PPP2R5C: variants seen among roughly 807,000 people sequenced by gnomAD.
The protein encoded by PPP2R5C is serine/threonine-protein phosphatase 2A 56 kDa regulatory subunit gamma isoform.
PPP2R5C carries 7 observed loss-of-function variants against 68.9 expected under a neutral mutation model. That is an observed-to-expected ratio of 0.10 (90% CI 0.06 to 0.19). The LOEUF is 0.19. Ranked by LOEUF, PPP2R5C falls within the 10% of genes least tolerant of loss-of-function variation. PPP2R5C has a pLI of 1.00. For synonymous variants in PPP2R5C, 210 were observed against 222.2 expected (o/e 0.95, Z 0.49); for missense variants, 348 against 641.3 (o/e 0.54, Z 4.94).
chr14:101,878,188 C>T (rs985255158), intron 2 of PPP2R5C, among the ~76,000 whole-genome samples: 4 of 152,240 alleles, frequency 2.6e-5, no homozygotes, highest in African/African-American at 9.6e-5. Flanking sequence ...CAAGGCCCCA[C>T]TTATGACTTC....
At chr14:101,795,245 C>G (rs750971165) in intron 3 of PPP2R5C, among the ~76,000 whole-genome samples, 30 of 152,166 alleles carry the variant, frequency 2.0e-4, no homozygotes, top group Non-Finnish European at 3.5e-4. Flanking sequence ...TTCAAAAACC[C>G]TTAATAGATA....
Position 101,917,738 on chromosome 14 carries a change from G to A in PPP2R5C, c.1327-93G>A. On this transcript the variant is annotated intron_variant, in intron 12 of 13. Transcript: ENST00000334743. This position sits in a 1 kb window ranked among gnomAD's most constrained non-coding sequence, Gnocchi z 4.4. ...CTTCCTGCGGGAGAGGGCCCTGGGG[G>A]GCGGCAGGGGAGATGAGTCCCTAGC... 1.9e-6 allele frequency: 3 copies of A among 1,548,792 alleles called. No homozygotes were observed. Among genetic ancestry groups the A allele is most frequent in the South Asian group, 2.3e-5 (2 of 85,266 alleles).
chr14:101,926,412 C>G (rs1405573140), exon 14 of PPP2R5C: 2 of 152,664 alleles, frequency 1.3e-5, no homozygotes, highest in Non-Finnish European at 2.9e-5. Flanking sequence ...GAGTTTTCAT[C>G]GGTCTTCACA....
Position 101,835,969 on chromosome 14 carries a change from A to C in PPP2R5C, c.95-20717A>C, listed in dbSNP as rs1008007171. Among the ~76,000 whole-genome samples the C allele has an allele frequency of 1.3e-5, 2 of 152,252 alleles. No individual in the cohort carries two copies. Among genetic ancestry groups the C allele is most frequent in the Non-Finnish European group, 2.9e-5 (2 of 68,036 alleles). The stretch of plus-strand genomic sequence containing the variant: ...AAAGTTACAGTAATATATTACCAGC[A>C]TGTAGAAAATACCCAATAATGATGA... On this transcript the variant is annotated intron_variant, in intron 1 of 13. Transcript: ENST00000334743. This position sits in a 1 kb window ranked among gnomAD's most constrained non-coding sequence, Gnocchi z 5.0.
intron 2 of PPP2R5C, among the ~76,000 whole-genome samples, chr14:101,775,892 C>T (rs995831022): frequency 5.9e-5 from 9 of 152,130 alleles, no homozygotes; most frequent in African/African-American, 2.2e-4. Context: ...CAGCAAGACA[C>T]ATCCTCCCCC....
At chr14:101,861,654 G>T (rs1043858072) in intron 2 of PPP2R5C, among the ~76,000 whole-genome samples, 1 of 152,202 alleles carries the variant, frequency 6.6e-6, no homozygotes, top group Non-Finnish European at 1.5e-5. Flanking sequence ...GATGAAATGT[G>T]AAGGTTTCAT....
At chr14:101,802,289 G>C (rs1277157494) in intron 3 of PPP2R5C, among the ~76,000 whole-genome samples, 1 of 152,142 alleles carries the variant, frequency 6.6e-6, no homozygotes, top group Non-Finnish European at 1.5e-5. Flanking sequence ...GCACACACCT[G>C]TAGTACCAGC....
chr14:101,849,887 A>G (rs1681133461), intron 1 of PPP2R5C, among the ~76,000 whole-genome samples: 1 of 152,172 alleles, frequency 6.6e-6, no homozygotes, highest in South Asian at 2.1e-4. Flanking sequence ...TCATTCATGA[A>G]GCTTTACAGG....
At chr14:101,883,334 G>T in exon 4 of PPP2R5C, 1 of 1,602,632 alleles carries the variant, frequency 6.2e-7, no homozygotes, top group Non-Finnish European at 8.5e-7. Flanking sequence ...ATATTGATCA[G>T]AAGTTTGTAT....
intron 10 of PPP2R5C, among the ~76,000 whole-genome samples, chr14:101,907,550 C>T (rs542755171): frequency 6.6e-6 from 1 of 152,288 alleles, no homozygotes; most frequent in East Asian, 1.9e-4. Flanking sequence ...CACCTTCTTT[C>T]ATCTCTTTCC....
chr14:101,865,770 A>G (rs1042829723), intron 2 of PPP2R5C, among the ~76,000 whole-genome samples: 1 of 152,190 alleles, frequency 6.6e-6, no homozygotes, highest in Non-Finnish European at 1.5e-5. Flanking sequence ...TGTCCTCGGA[A>G]GTGGCCAGAA....
upstream of PPP2R5C, among the ~76,000 whole-genome samples, chr14:101,761,060 GT>G (rs2036494748): frequency 7.3e-6 from 1 of 137,864 alleles, no homozygotes; most frequent in Admixed American, 7.0e-5. Context: ...GGGGAGGGGA[GT>G]GGAGGGAGAG....
At chr14:101,907,036 A>C (rs1302435048) in intron 10 of PPP2R5C, among the ~76,000 whole-genome samples, 2 of 150,772 alleles carry the variant, frequency 1.3e-5, no homozygotes, top group African/African-American at 4.9e-5. Context: ...ATTTCCTCCT[A>C]CTCCGCTCCT....
chr14:101,796,921 T>C, intron 3 of PPP2R5C: 1 of 300,718 alleles, frequency 3.3e-6, no homozygotes, highest in South Asian at 2.9e-5. Context: ...ATTTAAAAAC[T>C]GAGGTGAAAT....
In PPP2R5C at chr14:101,879,773, C is replaced by T. The variant is rs560736889; in HGVS notation, c.295-2388C>T. ...GAGAGAGGGTAGAAACCCCAGTTCA[C>T]GAATGCCACACTCCCCGTAGGAGCT... On this transcript the variant is annotated intron_variant, in intron 2 of 13. Transcript: ENST00000334743. This position sits in a 1 kb window ranked among gnomAD's most constrained non-coding sequence, Gnocchi z 4.2. Among the ~76,000 whole-genome samples the T allele has an allele frequency of 4.3e-4, 66 of 152,320 alleles. No homozygotes were observed. Among genetic ancestry groups the T allele is most frequent in the African/African-American group, 1.4e-3 (58 of 41,574 alleles).
Position 101,899,656 on chromosome 14 carries a change from T to C in PPP2R5C, c.853-2063T>C, listed in dbSNP as rs1444824916. On this transcript the variant is annotated intron_variant, in intron 8 of 13. Coordinates refer to ENST00000334743, the Ensembl canonical transcript of PPP2R5C. This position sits in a 1 kb window ranked among gnomAD's most constrained non-coding sequence, Gnocchi z 4.2. ...AATTAACATATTTCTCCTAATAAAA[T>C]TCCATTTGACAAATGAAGAGAAATA... Among the ~76,000 whole-genome samples the C allele has an allele frequency of 6.6e-6, 1 of 152,210 alleles. No homozygotes were observed. Among genetic ancestry groups the C allele is most frequent in the Non-Finnish European group, 1.5e-5 (1 of 68,040 alleles).
At chr14:101,919,993 C>CAAAAAAAAAAAAAAAAAAAAA (rs367834588) in intron 13 of PPP2R5C, among the ~76,000 whole-genome samples, 2 of 117,478 alleles carry the variant, frequency 1.7e-5, no homozygotes, top group African/African-American at 7.2e-5. Flanking sequence ...AAAAAAAAAA[C>CAAAAAAAAAAAAAAAAAAAAA]CAATTCTTAC....
intron 2 of PPP2R5C, among the ~76,000 whole-genome samples, chr14:101,863,384 C>T (rs1406989765): frequency 6.6e-6 from 1 of 151,750 alleles, no homozygotes; most frequent in Non-Finnish European, 1.5e-5. Flanking sequence ...TAATCCTGCC[C>T]CAGCCTCCCA....
intron 1 of PPP2R5C, among the ~76,000 whole-genome samples, chr14:101,834,425 G>A (rs572553176): frequency 7.2e-5 from 11 of 152,336 alleles, no homozygotes; most frequent in South Asian, 2.1e-4. Context: ...TTGATGTGGC[G>A]TCTCAGTACG....
Sources: gnomAD v4.1 joint callset for allele counts (sites outside exome capture counted in the v4.1 genomes callset) on GRCh38, gnomAD v4.1.1 for gene constraint, Gnocchi (gnomAD v3.1) non-coding constraint, MANE v1.5 for transcripts, NCBI Gene and HGNC (gene_info 2026-07-23, HGNC 2026-07-21) for gene names.